The following KIF26B variants were observed in gnomAD, a reference collection of about 807,000 sequenced individuals.
KIF26B encodes kinesin-like protein KIF26B.
A neutral mutation model predicts 151.2 loss-of-function variants in KIF26B; 63 were observed. The ratio of observed to expected loss-of-function variants is 0.42; its 90% CI spans 0.34 to 0.51. The LOEUF (loss-of-function observed/expected upper bound fraction) is 0.51, where lower values mean the gene tolerates loss of function less well. KIF26B is among the 20% of genes least tolerant of loss of function. The pLI is 0.07. For missense variants in KIF26B, 2,813 were observed against 2,913.6 expected (o/e 0.97, Z 0.79); for synonymous variants, 1,357 against 1,262.1 (o/e 1.08, Z -1.59).
At chr1:245,361,642 C>T (rs1040213093) in intron 2 of KIF26B, among the ~76,000 whole-genome samples, 6 of 152,204 alleles carry the variant, frequency 3.9e-5, no homozygotes, top group East Asian at 3.9e-4. Context: ...GGGGTGCAGG[C>T]GATCAAGCAG....
Position 245,606,586 on chromosome 1 carries a change from C to T in KIF26B, c.1558-1065C>T, listed in dbSNP as rs149902431. Among the ~76,000 whole-genome samples the T allele has an allele frequency of 7.8e-3, 1,181 of 152,306 alleles. 8 individuals are homozygous for T. Among genetic ancestry groups the T allele is most frequent in the South Asian group, 0.029 (139 of 4,830 alleles). ...GATGGCTCGCAGAGCTCTGTATTAG[C>T]GGGTGTTCAGGGGAAATACAAAACA... On this transcript the variant is annotated intron_variant, in intron 6 of 14. Coordinates refer to ENST00000407071, the MANE Select transcript of KIF26B (RefSeq NM_018012.4). This position sits in a 1 kb window ranked among gnomAD's most constrained non-coding sequence, Gnocchi z 4.6.
chr1:245,357,165 T>G (rs1262253914), intron 2 of KIF26B, among the ~76,000 whole-genome samples: 1 of 152,120 alleles, frequency 6.6e-6, no homozygotes, highest in African/African-American at 2.4e-5. Flanking sequence ...ACTTTGACTC[T>G]GAAGGAAGTG....
In KIF26B at chr1:245,367,888, T is replaced by C. The variant is rs1270003439; in HGVS notation, c.999+521T>C. 1.3e-5 allele frequency among the ~76,000 whole-genome samples: 2 copies of C among 152,208 alleles called. No individual in the cohort carries two copies. The highest frequency in any genetic ancestry group is 2.9e-5 in the Non-Finnish European group (2 of 68,030). On this transcript the variant is annotated intron_variant, in intron 3 of 14. Coordinates refer to ENST00000407071, the MANE Select transcript of KIF26B (RefSeq NM_018012.4). The surrounding 1 kb of genome is among the most constrained non-coding windows in gnomAD (Gnocchi z 4.2). Reference sequence around the variant, plus strand: ...GACATGTAGGCCAACACCTGCCATATAGTAGGGGATCATTGTTGTGCCTGT... The same window carrying C: ...GACATGTAGGCCAACACCTGCCATACAGTAGGGGATCATTGTTGTGCCTGT...
chr1:245,193,226 C>A (rs1200682828), intron 2 of KIF26B, among the ~76,000 whole-genome samples: 1 of 152,228 alleles, frequency 6.6e-6, no homozygotes, highest in Admixed American at 6.5e-5. Context: ...ATGATCTTGG[C>A]TGCATAGTGT....
At chr1:245,697,697 T>G (rs995324133) in intron 12 of KIF26B, among the ~76,000 whole-genome samples, 13 of 152,134 alleles carry the variant, frequency 8.5e-5, no homozygotes, top group Non-Finnish European at 4.4e-5. Context: ...GTGCTTGTCA[T>G]GACCTCCTCT....
chr1:245,570,692 G>T (rs181538974), intron 5 of KIF26B, among the ~76,000 whole-genome samples: 1 of 152,282 alleles, frequency 6.6e-6, no homozygotes, highest in Non-Finnish European at 1.5e-5. Context: ...ACCAGCTCTT[G>T]GTGTTTGCTC....
At chr1:245,669,920 T>C (rs924672254) in intron 10 of KIF26B, among the ~76,000 whole-genome samples, 2 of 152,028 alleles carry the variant, frequency 1.3e-5, no homozygotes, top group African/African-American at 4.8e-5. Flanking sequence ...TTCTCAGGTA[T>C]AAGTGGGAGC....
At chr1:245,682,135 C>T (rs1430797000) in intron 10 of KIF26B, among the ~76,000 whole-genome samples, 2 of 152,086 alleles carry the variant, frequency 1.3e-5, no homozygotes, top group Non-Finnish European at 2.9e-5. Flanking sequence ...GTCCCAGCTA[C>T]TCCGGAGGCT....
At chr1:245,366,558 C>T (rs975586456) in intron 2 of KIF26B, among the ~76,000 whole-genome samples, 2 of 149,900 alleles carry the variant, frequency 1.3e-5, no homozygotes, top group South Asian at 4.2e-4. Context: ...AAAAAATATT[C>T]TTGACCAGCC....
chr1:245,559,516 G>A (rs1306962755), intron 5 of KIF26B, among the ~76,000 whole-genome samples: 3 of 152,034 alleles, frequency 2.0e-5, no homozygotes, highest in East Asian at 1.9e-4. Flanking sequence ...GGGTTCAAGC[G>A]ATTCTCCTGC....
intron 2 of KIF26B, among the ~76,000 whole-genome samples, chr1:245,357,609 G>A (rs1255081014): frequency 6.6e-6 from 1 of 152,124 alleles, no homozygotes; most frequent in Non-Finnish European, 1.5e-5. Context: ...CACCCATGAC[G>A]CTATCCCCAC....
chr1:245,502,997 G>A (rs1204719490), intron 4 of KIF26B, among the ~76,000 whole-genome samples: 2 of 152,008 alleles, frequency 1.3e-5, no homozygotes, highest in Admixed American at 6.6e-5. Context: ...GAGTAGCTGG[G>A]ATTACAGACA....
chr1:245,279,306 CTTT>C (rs5782332), intron 2 of KIF26B, among the ~76,000 whole-genome samples: 6 of 132,612 alleles, frequency 4.5e-5, no homozygotes, highest in Non-Finnish European at 6.4e-5. Context: ...TTTTTTCTTT[CTTT>C]TTTTTTTTTT....
chr1:245,521,400 C>G (rs1395648494), intron 4 of KIF26B, among the ~76,000 whole-genome samples: 1 of 151,658 alleles, frequency 6.6e-6, no homozygotes, highest in Non-Finnish European at 1.5e-5. Context: ...AAATAACCAT[C>G]TTCCCTATAG....
chr1:245,583,112 T>C (rs541653646), intron 5 of KIF26B, among the ~76,000 whole-genome samples: 3 of 152,282 alleles, frequency 2.0e-5, no homozygotes, highest in Non-Finnish European at 2.9e-5. Flanking sequence ...TTCGATCTAA[T>C]TTGTCATTAT....
Position 245,230,750 on chromosome 1 carries a change from A to G in KIF26B, c.465+74067A>G, listed in dbSNP as rs118068115. Among the ~76,000 whole-genome samples the G allele has an allele frequency of 4.1e-3, 622 of 152,160 alleles. 19 individuals are homozygous for G. In the East Asian group the frequency reaches 0.092, roughly 22 times the overall value. On this transcript the variant is annotated intron_variant, in intron 2 of 14. Coordinates refer to ENST00000407071, the MANE Select transcript of KIF26B (RefSeq NM_018012.4). ...AAGAGCGAAACTTCATGTAAAAAAA[A>G]AAAAGAAAAGAAAGAAAGGAAAAAG...
At chr1:245,342,598 G>T (rs987944421) in intron 2 of KIF26B, among the ~76,000 whole-genome samples, 2 of 152,016 alleles carry the variant, frequency 1.3e-5, no homozygotes, top group African/African-American at 4.8e-5. Context: ...AAGACCCGGG[G>T]CTGGAGGCCT....
intron 9 of KIF26B, among the ~76,000 whole-genome samples, chr1:245,640,640 T>G (rs1287028749): frequency 6.6e-6 from 1 of 152,148 alleles, no homozygotes; most frequent in Non-Finnish European, 1.5e-5. Context: ...GATAGCATGT[T>G]TTAATTTGCT....
At chr1:245,526,595 A>T (rs1294802781) in intron 4 of KIF26B, among the ~76,000 whole-genome samples, 1 of 152,222 alleles carries the variant, frequency 6.6e-6, no homozygotes, top group East Asian at 1.9e-4. Flanking sequence ...GAGACTCTTA[A>T]ATTCAAATTT....
Sources: allele counts gnomAD v4.1 joint callset (sites outside exome capture counted in the v4.1 genomes callset), GRCh38; gene constraint gnomAD v4.1.1; non-coding constraint Gnocchi (gnomAD v3.1); transcripts MANE v1.5; gene names NCBI Gene and HGNC (gene_info 2026-07-23, HGNC 2026-07-21).